COL4A4: variants seen among roughly 807,000 people sequenced by gnomAD.
The protein encoded by COL4A4 is collagen type IV alpha 4 chain.
In COL4A4, 105 loss-of-function variants were observed where a neutral mutation model predicts 192.9. The ratio of observed to expected loss-of-function variants is 0.54; its 90% CI spans 0.46 to 0.64. The LOEUF is 0.64. Ranked by LOEUF, COL4A4 falls within the 30% of genes least tolerant of loss-of-function variation. The pLI, the probability that COL4A4 is intolerant of heterozygous loss-of-function variation, is 0.00. For missense variants in COL4A4, 1,967 were observed against 2,169.3 expected, an observed-to-expected ratio of 0.91 and a Z score of 1.85; for synonymous variants, 762 against 769.9, an observed-to-expected ratio of 0.99 and a Z score of 0.17.
At chr2:227,020,514 A>G (rs1161141581) in intron 44 of COL4A4, among the ~76,000 whole-genome samples, 1 of 152,216 alleles carries the variant, frequency 6.6e-6, no homozygotes, top group Non-Finnish European at 1.5e-5. Flanking sequence ...GTCACCACCT[A>G]AGAACGAGTC....
At chr2:227,121,283 T>C (rs1332537048) in intron 4 of COL4A4, 135 bp from the exon 5 acceptor site, 1 of 1,021,268 alleles carries the variant, frequency 9.8e-7, no homozygotes. Flanking sequence ...AACAAATGGC[T>C]GGAGATGGTG....
chr2:227,152,898 C>T (rs1050484371), intron 1 of COL4A4, among the ~76,000 whole-genome samples: 4 of 152,110 alleles, frequency 2.6e-5, no homozygotes, highest in African/African-American at 7.2e-5. Flanking sequence ...AAAAAAATTA[C>T]TTGTATTTAG....
intron 4 of COL4A4, among the ~76,000 whole-genome samples, chr2:227,130,832 C>T (rs779067302): frequency 2.0e-5 from 3 of 152,168 alleles, no homozygotes; most frequent in Non-Finnish European, 2.9e-5. Flanking sequence ...CTGGGAGGCC[C>T]GCATGCCTCT....
chr2:227,056,134 A>T lies in COL4A4; in HGVS notation c.2546-19T>A, dbSNP rs780050716. ...GGAGCACCTAAGACAAACCACAGTG[A>T]CCACAGTGTGTGAAGGCTGAACACT... On this transcript the variant is annotated intron_variant, in intron 29 of 47. Coordinates refer to ENST00000396625, the MANE Select transcript of COL4A4 (RefSeq NM_000092.5). The T allele has an allele frequency of 1.2e-6, 2 of 1,612,550 alleles. No homozygotes were observed. Among genetic ancestry groups the T allele is most frequent in the South Asian group, 2.2e-5 (2 of 91,020 alleles).
intron 42 of COL4A4, 96 bp downstream of exon 42, chr2:227,027,803 TAAG>T (rs775914962): frequency 5.6e-6 from 5 of 888,368 alleles, no homozygotes; most frequent in Non-Finnish European, 9.6e-6. Context: ...GCTTAAATAA[TAAG>T]AATGTGCTAG....
rs1052615233 is a variant in COL4A4 at position 227,140,022 on chromosome 2, GT to G, written c.192+138del. ...ATATAGTTGAGATTGCTATTAGAAT[GT>G]GAAAAACTTCGGCTGTGAAATACAT... On this transcript the variant is annotated intron_variant, in intron 4 of 47. Transcript: ENST00000396625. 4.1e-6 allele frequency: 3 copies of G among 731,600 alleles called. No homozygotes were observed. In the Admixed American group the frequency reaches 6.1e-5, roughly 15 times the overall value. 45.3% of individuals were successfully genotyped at this position (731,600 alleles called of 1,614,324 possible). A position where few individuals can be genotyped will look rare whatever the true frequency, so the allele number is the denominator to read the frequency against.
Position 227,057,545 on chromosome 2 carries a change from T to A in COL4A4, c.2439A>T (p.Gly813=), listed in dbSNP as rs34835657. ...LGLKGPKGRE[G]HAGFPGVPGP... ...CTGGGACACCTGGAAACCCAGCATGTCCCTCTCTGCCTTTGGGACCTTTGA... is the reference window on the plus strand; with the variant it reads ...CTGGGACACCTGGAAACCCAGCATGACCCTCTCTGCCTTTGGGACCTTTGA... The change falls in exon 29 of 48, where the codon GGA becomes GGT. Residue 813 remains glycine, a synonymous_variant. Coordinates refer to ENST00000396625, the MANE Select transcript of COL4A4 (RefSeq NM_000092.5). The A allele has an allele frequency of 2.9e-3, 4,673 of 1,613,994 alleles. 110 individuals are homozygous for A. The African/African-American group carries it at 0.053, about 18-fold the overall frequency.
intron 22 of COL4A4, among the ~76,000 whole-genome samples, chr2:227,087,755 T>C (rs905998843): frequency 8.5e-5 from 13 of 152,170 alleles, no homozygotes; most frequent in Non-Finnish European, 1.3e-4. Context: ...AACTATTGTC[T>C]CACTCTTCTT....
At chr2:227,091,497 GA>G (rs1416606042) in intron 20 of COL4A4, among the ~76,000 whole-genome samples, 1 of 151,570 alleles carries the variant, frequency 6.6e-6, no homozygotes, top group Non-Finnish European at 1.5e-5. Context: ...AAAAAGAGGG[GA>G]AAAAATGGAG....
chr2:227,090,055 G>T, intron 20 of COL4A4, 98 bp from the exon 21 acceptor site: 1 of 895,946 alleles, frequency 1.1e-6, no homozygotes, highest in Non-Finnish European at 1.8e-6. Context: ...CCTCCCCCAC[G>T]TGCTTCCTTT....
At chr2:226,992,535 T>C in the COL4A4 span, among the ~76,000 whole-genome samples, 1 of 152,212 alleles carries the variant, frequency 6.6e-6, no homozygotes, top group Non-Finnish European at 1.5e-5. Flanking sequence ...CCCAAGGTCT[T>C]CTTGGTTCTA....
chr2:227,135,643 A>G (rs993030175), intron 4 of COL4A4, among the ~76,000 whole-genome samples: 5 of 147,998 alleles, frequency 3.4e-5, no homozygotes, highest in Non-Finnish European at 6.0e-5. Flanking sequence ...GCTGGAATCT[A>G]TTTTTTTTTT....
chr2:227,059,720 A>C, intron 27 of COL4A4, 97 bp from the exon 28 acceptor site: 2 of 928,362 alleles, frequency 2.2e-6, no homozygotes, highest in South Asian at 1.4e-5. Flanking sequence ...TTTCTTAAAA[A>C]CACAGGGGTA....
In COL4A4 at chr2:227,027,947, C is replaced by A. The variant is rs770838029; in HGVS notation, c.4036G>T (p.Gly1346Cys). 1 of 1,613,866 alleles carries A rather than the reference C, an allele frequency of 6.2e-7. No homozygotes were observed. The highest frequency in any genetic ancestry group is 1.1e-5 in the South Asian group (1 of 91,064). ...TTTCTCCCTGGAGGTCCAGGTAAAC[C>A]CTTCTCTCCAGGTGGCCCAGGAAAT... Reference protein sequence around the residue: ...HGFPGPPGEKGLPGPPGRKGP... With the variant: ...HGFPGPPGEKCLPGPPGRKGP... The change falls in exon 42 of 48, where the codon GGT becomes TGT. Residue 1346 changes from glycine (G) to cysteine (C), a missense_variant. Transcript: ENST00000396625.
chr2:227,072,719 C>T (rs1257852133), intron 25 of COL4A4, among the ~76,000 whole-genome samples: 1 of 151,988 alleles, frequency 6.6e-6, no homozygotes, highest in Non-Finnish European at 1.5e-5. Flanking sequence ...AAGTGGTTTT[C>T]ATCCCAGGGA....
At chr2:227,032,406 A>G (rs887160932) in intron 38 of COL4A4, 130 bp from the exon 39 acceptor site, 2 of 1,001,558 alleles carry the variant, frequency 2.0e-6, no homozygotes, top group Non-Finnish European at 3.0e-6. Flanking sequence ...AACTGGTTGC[A>G]GTGGTGATCC....
intron 6 of COL4A4, among the ~76,000 whole-genome samples, chr2:227,119,509 T>C (rs2061664420): frequency 6.7e-6 from 1 of 148,588 alleles, no homozygotes; most frequent in Admixed American, 6.8e-5. Context: ...GTATATACTA[T>C]AGATTTTATA....
At chr2:227,162,096 A>T (rs1412371110) in intron 1 of COL4A4, among the ~76,000 whole-genome samples, 1 of 152,176 alleles carries the variant, frequency 6.6e-6, no homozygotes, top group Non-Finnish European at 1.5e-5. Flanking sequence ...AGGTTAGGTC[A>T]CACTAGTAAG....
chr2:227,085,525 CTG>C (rs2059555437), intron 22 of COL4A4, among the ~76,000 whole-genome samples: 1 of 152,162 alleles, frequency 6.6e-6, no homozygotes, highest in Non-Finnish European at 1.5e-5. Flanking sequence ...GTTCTGCAGA[CTG>C]TACAAGCCTG....
Sources: allele counts gnomAD v4.1 joint callset (sites outside exome capture counted in the v4.1 genomes callset), GRCh38; gene constraint gnomAD v4.1.1; transcripts MANE v1.5; gene names NCBI Gene and HGNC (gene_info 2026-07-23, HGNC 2026-07-21).